Variants in IGSF3 observed in about 807,000 individuals in gnomAD.
IGSF3 encodes glu-Trp-Ile EWI motif-containing protein 3.
In IGSF3, 23 loss-of-function variants were observed where a neutral mutation model predicts 114.4. That is an observed-to-expected ratio of 0.20 (90% confidence interval 0.14 to 0.28). IGSF3 has a LOEUF of 0.28. IGSF3 is among the 10% of genes least tolerant of loss of function. IGSF3 has a pLI of 1.00. For missense variants in IGSF3, 1,172 were observed against 1,591.5 expected (o/e 0.74, Z 4.48); for synonymous variants, 571 against 645.2 (o/e 0.88, Z 1.74).
intron 6 of IGSF3, among the ~76,000 whole-genome samples, chr1:116,601,975 C>A (rs541011737): frequency 4.1e-4 from 63 of 152,330 alleles, no homozygotes; most frequent in African/African-American, 1.5e-3. Flanking sequence ...CTGCTCTAAC[C>A]GAACAGCCAT....
At chr1:116,617,263 G>A in intron 2 of IGSF3, 4 of 965,788 alleles carry the variant, frequency 4.1e-6, no homozygotes, top group Non-Finnish European at 3.7e-6. Context: ...GTTCTCCAAG[G>A]TCACTTCTGC....
At chr1:116,663,659 G>C (rs1314839982) in intron 2 of IGSF3, among the ~76,000 whole-genome samples, 1 of 152,138 alleles carries the variant, frequency 6.6e-6, no homozygotes, top group Non-Finnish European at 1.5e-5. Flanking sequence ...AGAGGAATCT[G>C]ATTCCAATCC....
chr1:116,603,685 A>C lies in IGSF3; in HGVS notation c.1563T>G (p.Asp521Glu), dbSNP rs1321717221. The change falls in exon 6 of 11, where the codon GAT (aspartate) becomes GAG (glutamate). Residue 521 changes from aspartate (D) to glutamate (E), a missense_variant. Asp to Glu is a conservative substitution (Grantham distance 45, BLOSUM62 2). Transcript: ENST00000369486. This position sits in a 1 kb window ranked among gnomAD's most constrained non-coding sequence, Gnocchi z 7.1. ...GCTCCCCAACAATCTGCCACTCGCC[A>C]TCCACTGCCCGCACCCATTCAGTCA... ...CHVTEWVRAV[D>E]GEWQIVGERR... 2.5e-6 allele frequency: 4 copies of C among 1,613,904 alleles called. No individual in the cohort carries two copies. The South Asian group carries it at 3.3e-5, about 13-fold the overall frequency.
rs1661311432 is a variant in IGSF3, at chr1:116,618,823, G to A, written c.44-2366C>T. Among the ~76,000 whole-genome samples the A allele has an allele frequency of 6.6e-6, 1 of 152,170 alleles. No individual in the cohort carries two copies. Among genetic ancestry groups the A allele is most frequent in the African/African-American group, 2.4e-5 (1 of 41,434 alleles). On this transcript the variant is annotated intron_variant, in intron 2 of 10. Coordinates refer to ENST00000369486, the MANE Select transcript of IGSF3 (RefSeq NM_001007237.3). The surrounding 1 kb of genome is among the most constrained non-coding windows in gnomAD (Gnocchi z 4.7). ...CATTAGGTATCCTTTGAATTGCGGT[G>A]TTCTATGACAGCGCAACTACAACCA...
Position 116,664,764 on chromosome 1 carries a change from GACTA to G in IGSF3, c.43+1516_43+1519del, listed in dbSNP as rs1331633796. ...TATCCCAGCCCACAGCTGAACAGAA[GACTA>G]ACTAAACTACCAGCAGGGTGTCTGC... On this transcript the variant is annotated intron_variant, in intron 2 of 10. Coordinates refer to ENST00000369486, the MANE Select transcript of IGSF3 (RefSeq NM_001007237.3). This position sits in a 1 kb window ranked among gnomAD's most constrained non-coding sequence, Gnocchi z 4.6. Among the ~76,000 whole-genome samples, 1 of 152,222 alleles carries G rather than the reference GACTA, an allele frequency of 6.6e-6. No individual in the cohort carries two copies. Among genetic ancestry groups the G allele is most frequent in the Non-Finnish European group, 1.5e-5 (1 of 68,042 alleles).
In IGSF3 at chr1:116,638,599, C is replaced by T. The variant is rs4044738; in HGVS notation, c.44-22142G>A. The stretch of plus-strand genomic sequence containing the variant: ...CTGGATTTTGCCATTTCCCCCAAGT[C>T]GACCAGGAGTCATTCACACCTAAAG... On this transcript the variant is annotated intron_variant, in intron 2 of 10. Coordinates refer to ENST00000369486, the MANE Select transcript of IGSF3 (RefSeq NM_001007237.3). The surrounding 1 kb of genome is among the most constrained non-coding windows in gnomAD (Gnocchi z 4.1). 1.1e-4 allele frequency among the ~76,000 whole-genome samples: 17 copies of T among 152,284 alleles called. 1 individual carries two copies. Among genetic ancestry groups the T allele is most frequent in the Middle Eastern group, 3.4e-3 (1 of 294 alleles).
At position 116,649,529 on chromosome 1, in the gene IGSF3, C is replaced by T. The variant is rs755534178; in HGVS notation, c.43+16755G>A. ...ATCTTCCTCTTCCTAAAATCTTCCT[C>T]TTCCATCTTCCTCCCCTAGATATCC... is the stretch of plus-strand genomic sequence containing the variant. On this transcript the variant is annotated intron_variant, in intron 2 of 10. Coordinates refer to ENST00000369486, the MANE Select transcript of IGSF3 (RefSeq NM_001007237.3). This position sits in a 1 kb window ranked among gnomAD's most constrained non-coding sequence, Gnocchi z 4.5. Among the ~76,000 whole-genome samples the T allele has an allele frequency of 1.3e-5, 2 of 152,206 alleles. No homozygotes were observed. Among genetic ancestry groups the T allele is most frequent in the Non-Finnish European group, 2.9e-5 (2 of 68,026 alleles).
In IGSF3 at chr1:116,579,231, A is replaced by T. The variant is rs1659482952; in HGVS notation, c.3334+161T>A. 6.6e-6 allele frequency among the ~76,000 whole-genome samples: 1 copy of T among 152,184 alleles called. No individual in the cohort carries two copies. The highest frequency in any genetic ancestry group is 1.5e-5 in the Non-Finnish European group (1 of 68,046). On this transcript the variant is annotated intron_variant, in intron 10 of 10. Coordinates refer to ENST00000369486, the MANE Select transcript of IGSF3 (RefSeq NM_001007237.3). This position sits in a 1 kb window ranked among gnomAD's most constrained non-coding sequence, Gnocchi z 6.4. ...GCATGGGTAATCAAGGGTCAATTAT[A>T]TGAACTAATATGTCCAATCCCACCA...
Position 116,603,891 on chromosome 1 carries a change from T to A in IGSF3, c.1357A>T (p.Arg453Trp). ...ATGATATTGCTGCGGCGGTTCTGCC[T>A]GTCCACAAGCTGCCAGATGACAGAG... ...RFSVIWQLVD[R>W]QNRRSNIMWL... Residue 453 changes from arginine (R) to tryptophan (W), a missense_variant, in exon 6 of 11, where the codon AGG becomes TGG. Coordinates refer to ENST00000369486, the MANE Select transcript of IGSF3 (RefSeq NM_001007237.3). The surrounding 1 kb of genome is among the most constrained non-coding windows in gnomAD (Gnocchi z 7.1). 1.9e-6 allele frequency: 3 copies of A among 1,614,084 alleles called. No individual in the cohort carries two copies. The highest frequency in any genetic ancestry group is 2.5e-6 in the Non-Finnish European group (3 of 1,179,964).
intron 5 of IGSF3, among the ~76,000 whole-genome samples, chr1:116,604,831 A>G (rs1168451327): frequency 1.3e-5 from 2 of 152,188 alleles, no homozygotes; most frequent in African/African-American, 4.8e-5. Context: ...AATTCACTCA[A>G]TCAAATTATT....
intron 4 of IGSF3, among the ~76,000 whole-genome samples, chr1:116,609,857 A>G (rs1479579451): frequency 1.3e-5 from 2 of 152,144 alleles, no homozygotes; most frequent in Non-Finnish European, 2.9e-5. Flanking sequence ...CTTCTTTTCC[A>G]GCCCCAGCTC....
In IGSF3 at chr1:116,585,701, C is replaced by T. The variant is rs1268223318; in HGVS notation, c.2441-649G>A. On this transcript the variant is annotated intron_variant, in intron 8 of 10. Transcript: ENST00000369486. This position sits in a 1 kb window ranked among gnomAD's most constrained non-coding sequence, Gnocchi z 4.9. Reference sequence around the variant, plus strand: ...CTTTGGGACGCCGAGGTGGGTGGATCGCTTGAGGCCAGGAGTTTGAGACCA... The same window carrying T: ...CTTTGGGACGCCGAGGTGGGTGGATTGCTTGAGGCCAGGAGTTTGAGACCA... Among the ~76,000 whole-genome samples, 15 of 151,994 alleles carry T rather than the reference C, an allele frequency of 9.9e-5. 1 individual carries two copies. Among genetic ancestry groups the T allele is most frequent in the Admixed American group, 9.8e-4 (15 of 15,260 alleles).
chr1:116,626,361 C>A (rs994341759), intron 2 of IGSF3, among the ~76,000 whole-genome samples: 5 of 149,518 alleles, frequency 3.3e-5, no homozygotes, highest in African/African-American at 1.3e-4. Flanking sequence ...AGTTATGATC[C>A]TCAGTTTTCC....
At position 116,642,800 on chromosome 1, in the gene IGSF3, A is replaced by G. The variant is rs959707276; in HGVS notation, c.43+23484T>C. On this transcript the variant is annotated intron_variant, in intron 2 of 10. Transcript: ENST00000369486. This position sits in a 1 kb window ranked among gnomAD's most constrained non-coding sequence, Gnocchi z 5.4. ...TGCTCGCTGGGACTTGGAAGCACACAGTAGTAGCAGATGTCAGCAGGGGGC... is the reference window on the plus strand; with the variant it reads ...TGCTCGCTGGGACTTGGAAGCACACGGTAGTAGCAGATGTCAGCAGGGGGC... 6.6e-6 allele frequency among the ~76,000 whole-genome samples: 1 copy of G among 152,198 alleles called. No individual in the cohort carries two copies. Among genetic ancestry groups the G allele is most frequent in the Non-Finnish European group, 1.5e-5 (1 of 68,022 alleles).
rs1302133823 is a variant in IGSF3, at chr1:116,634,015, G to A, written c.44-17558C>T. 1.3e-5 allele frequency among the ~76,000 whole-genome samples: 2 copies of A among 152,202 alleles called. No individual in the cohort carries two copies. Among genetic ancestry groups the A allele is most frequent in the Non-Finnish European group, 2.9e-5 (2 of 68,050 alleles). On this transcript the variant is annotated intron_variant, in intron 2 of 10. Transcript: ENST00000369486. This position sits in a 1 kb window ranked among gnomAD's most constrained non-coding sequence, Gnocchi z 4.2. ...AGGAGCAAATCAGCCCTGCTAATGT[G>A]TACAGTCAGCATCAAAGAGGTAACA... is the stretch of plus-strand genomic sequence containing the variant.
chr1:116,615,850 T>C lies in IGSF3; in HGVS notation c.421+230A>G, dbSNP rs369482330. ...ACCAGTTACAGGGTTAGTTAACTTATGAAATTCTTAACATCTGCATTAGAC... is the reference window on the plus strand; with the variant it reads ...ACCAGTTACAGGGTTAGTTAACTTACGAAATTCTTAACATCTGCATTAGAC... On this transcript the variant is annotated intron_variant, in intron 3 of 10. Coordinates refer to ENST00000369486, the MANE Select transcript of IGSF3 (RefSeq NM_001007237.3). This position sits in a 1 kb window ranked among gnomAD's most constrained non-coding sequence, Gnocchi z 4.3. 2.6e-5 allele frequency among the ~76,000 whole-genome samples: 4 copies of C among 152,248 alleles called. No homozygotes were observed. The highest frequency in any genetic ancestry group is 4.8e-5 in the African/African-American group (2 of 41,458).
chr1:116,667,541 GCTCCCCGCTCCACGC>G (rs1161968674), intron 1 of IGSF3, 62 bp downstream of exon 1: 3 of 82,636 alleles, frequency 3.6e-5, no homozygotes, highest in African/African-American at 1.3e-4. Context: ...CCCGCTCCCC[GCTCCCCGCTCCACGC>G]CTCCCCGCCT....
rs1660817782 is a variant in IGSF3 at position 116,607,037 on chromosome 1, T to C, written c.1222+905A>G. Among the ~76,000 whole-genome samples, 1 of 152,076 alleles carries C rather than the reference T, an allele frequency of 6.6e-6. No individual in the cohort carries two copies. The highest frequency in any genetic ancestry group is 1.5e-5 in the Non-Finnish European group (1 of 68,010). On this transcript the variant is annotated intron_variant, in intron 5 of 10. Transcript: ENST00000369486. This position sits in a 1 kb window ranked among gnomAD's most constrained non-coding sequence, Gnocchi z 6.1. ...GAGAAATATTTTAAATATTAAAACA[T>C]ATAAATAAAAAGTAAAGGAAATTAT...
At position 116,594,220 on chromosome 1, in the gene IGSF3, T is replaced by G. The variant is rs1660244979; in HGVS notation, c.2030-5116A>C. On this transcript the variant is annotated intron_variant, in intron 7 of 10. Coordinates refer to ENST00000369486, the MANE Select transcript of IGSF3 (RefSeq NM_001007237.3). This position sits in a 1 kb window ranked among gnomAD's most constrained non-coding sequence, Gnocchi z 5.2. ...CAGCGTTGACTGTGACTGTGCCTCC[T>G]AGCATAGCTGTCCTGAGCATTTACG... Among the ~76,000 whole-genome samples the G allele has an allele frequency of 6.6e-6, 1 of 152,210 alleles. No homozygotes were observed. Among genetic ancestry groups the G allele is most frequent in the South Asian group, 2.1e-4 (1 of 4,834 alleles).
Sources: gnomAD v4.1 joint callset for allele counts (sites outside exome capture counted in the v4.1 genomes callset) on GRCh38, gnomAD v4.1.1 for gene constraint, Gnocchi (gnomAD v3.1) non-coding constraint, MANE v1.5 for transcripts, NCBI Gene and HGNC (gene_info 2026-07-23, HGNC 2026-07-21) for gene names.